The following PHTF1 variants were observed in gnomAD, a reference collection of about 807,000 sequenced individuals.
PHTF1 encodes the protein putative homeodomain transcription factor 1, also known as protein PHTF1.
PHTF1 carries 88 observed loss-of-function variants against 102.4 expected under a neutral mutation model. That is an observed-to-expected ratio of 0.86 (90% CI 0.72 to 1.03). The LOEUF is 1.03. PHTF1 is among the 50% of genes least tolerant of loss of function. The probability of loss-of-function intolerance (pLI) is 0.00; values close to 1 mark genes in which losing one functional copy is unlikely to be tolerated. For synonymous variants in PHTF1, 289 were observed against 305.2 expected (o/e 0.95, Z 0.55); for missense variants, 814 against 909.5 (o/e 0.89, Z 1.35).
In PHTF1 at chr1:113,717,132, T is replaced by A. The variant is rs139604762; in HGVS notation, c.624-3694A>T. Among the ~76,000 whole-genome samples, 687 of 152,304 alleles carry A rather than the reference T, an allele frequency of 4.5e-3. 3 individuals carry two copies. The highest frequency in any genetic ancestry group is 7.1e-3 in the Non-Finnish European group (486 of 68,026). On this transcript the variant is annotated intron_variant, in intron 7 of 18. Coordinates refer to ENST00000369604, the MANE Select transcript of PHTF1 (RefSeq NM_001323043.2). ...TGGTTTATGAGTTTGTTTGCTTGTT[T>A]ATGCAATCAGTGTTACCAGTTTAAA...
chr1:113,718,727 A>G (rs1019895332), intron 7 of PHTF1, among the ~76,000 whole-genome samples: 3 of 152,336 alleles, frequency 2.0e-5, no homozygotes, highest in Middle Eastern at 6.8e-3. Context: ...TGAGCTGTAC[A>G]TTGGCCCCTT....
chr1:113,701,826 T>TAAAAAAAAAAAAAAAAAAAAAAAAAAA lies in PHTF1; in HGVS notation c.1891-904_1891-878dup, dbSNP rs34844793. Among the ~76,000 whole-genome samples, 4 of 28,000 alleles carry TAAAAAAAAAAAAAAAAAAAAAAAAAAA rather than the reference T, an allele frequency of 1.4e-4. 1 individual carries two copies. Among genetic ancestry groups the TAAAAAAAAAAAAAAAAAAAAAAAAAAA allele is most frequent in the Non-Finnish European group, 2.0e-4 (3 of 15,202 alleles). 18.4% of individuals were successfully genotyped at this position (28,000 alleles called of 152,430 possible). On this transcript the variant is annotated intron_variant, in intron 15 of 18. Coordinates refer to ENST00000369604, the MANE Select transcript of PHTF1 (RefSeq NM_001323043.2). The stretch of plus-strand genomic sequence containing the variant: ...TGGCAACCTGGAATTCAATTCCTGG[T>TAAAAAAAAAAAAAAAAAAAAAAAAAAA]AAAAAAAAAAAAAAAAAAAAAAAAA...
intron 7 of PHTF1, among the ~76,000 whole-genome samples, chr1:113,716,409 A>T (rs1218906825): frequency 6.7e-6 from 1 of 148,956 alleles, no homozygotes; most frequent in Non-Finnish European, 1.5e-5. Flanking sequence ...CACTGTCACA[A>T]TTACAGCTCA....
In PHTF1 at chr1:113,759,159, G is replaced by A. The variant is rs533871192; in HGVS notation, c.-167C>T. ...TCCAGGCGGAGACGCCGGAGAGGCC[G>A]TTACCATGGAGACCGCGGAGGCCGC... On this transcript the variant is annotated 5_prime_UTR_variant, in exon 1 of 19. In the 5' UTR this introduces an upstream ATG that the reference lacks. Coordinates refer to ENST00000369604, the MANE Select transcript of PHTF1 (RefSeq NM_001323043.2). 89 of 891,668 alleles carry A rather than the reference G, an allele frequency of 1.0e-4. 1 individual carries two copies. In the South Asian group the frequency reaches 2.6e-3, roughly 26 times the overall value. 55.2% of individuals were successfully genotyped at this position (891,668 alleles called of 1,614,324 possible).
At position 113,700,753 on chromosome 1, in the gene PHTF1, AC is replaced by A. The variant is rs753870459; in HGVS notation, c.2046+40del. On this transcript the variant is annotated intron_variant, in intron 16 of 18. Transcript: ENST00000369604. Reference sequence around the variant, plus strand: ...CAGGAACCTTACAGCGTATTACGCTACCCCTAACCACTAAACCCAATTGACA... The same window carrying A: ...CAGGAACCTTACAGCGTATTACGCTACCCTAACCACTAAACCCAATTGACA... 1.9e-5 allele frequency: 30 copies of A among 1,583,230 alleles called. No individual in the cohort carries two copies. In the South Asian group the frequency reaches 3.0e-4, roughly 16 times the overall value.
At chr1:113,727,241 T>C (rs752875371) in intron 5 of PHTF1, among the ~76,000 whole-genome samples, 1 of 152,124 alleles carries the variant, frequency 6.6e-6, no homozygotes, top group Non-Finnish European at 1.5e-5. Flanking sequence ...CCTAATAAAA[T>C]CCCAATACTC....
intron 7 of PHTF1, among the ~76,000 whole-genome samples, chr1:113,724,407 C>T (rs376762522): frequency 1.3e-5 from 2 of 151,872 alleles, no homozygotes; most frequent in African/African-American, 2.4e-5. Flanking sequence ...GGTGTGGCGG[C>T]GGGCACCTGT....
intron 11 of PHTF1, among the ~76,000 whole-genome samples, chr1:113,708,272 A>C (rs910667035): frequency 1.3e-5 from 2 of 152,206 alleles, no homozygotes; most frequent in African/African-American, 4.8e-5. Flanking sequence ...GTGACCAGAA[A>C]CAGAGAGATG....
intron 16 of PHTF1, 116 bp downstream of exon 16, chr1:113,700,678 C>T (rs1400956695): frequency 3.4e-6 from 3 of 886,388 alleles, no homozygotes; most frequent in Admixed American, 5.7e-5. Context: ...TTGTGAGGTC[C>T]TGTAGCTAGA....
At chr1:113,738,410 T>C in intron 4 of PHTF1, 142 bp from the exon 5 acceptor site, 1 of 610,868 alleles carries the variant, frequency 1.6e-6, no homozygotes, top group Non-Finnish European at 2.8e-6. Context: ...TCTTAGATGT[T>C]TGTTAAATGT....
At chr1:113,736,466 C>T (rs1254421933) in intron 5 of PHTF1, among the ~76,000 whole-genome samples, 1 of 151,984 alleles carries the variant, frequency 6.6e-6, no homozygotes, top group Admixed American at 6.6e-5. Flanking sequence ...TTTAAACAGC[C>T]GGGCACAGTG....
intron 3 of PHTF1, among the ~76,000 whole-genome samples, chr1:113,751,830 C>T (rs887219091): frequency 2.6e-5 from 4 of 152,208 alleles, no homozygotes; most frequent in African/African-American, 9.6e-5. Flanking sequence ...CCATGCCCAA[C>T]AGCAGTGTAG....
chr1:113,698,614 T>C (rs1209741263), intron 17 of PHTF1, among the ~76,000 whole-genome samples: 1 of 86,248 alleles, frequency 1.2e-5, no homozygotes, highest in Admixed American at 1.0e-4. Flanking sequence ...GTTTTATATA[T>C]ATATATACAC....
At chr1:113,751,185 A>G (rs1041973164) in intron 3 of PHTF1, among the ~76,000 whole-genome samples, 9 of 152,162 alleles carry the variant, frequency 5.9e-5, no homozygotes, top group African/African-American at 2.2e-4. Flanking sequence ...CTATATTATG[A>G]TTTTTCCTAC....
intron 11 of PHTF1, among the ~76,000 whole-genome samples, chr1:113,709,628 C>A (rs1201581630): frequency 6.6e-6 from 1 of 152,154 alleles, no homozygotes; most frequent in Non-Finnish European, 1.5e-5. Flanking sequence ...ATAATGCTAA[C>A]ATTTATTGGG....
Position 113,724,763 on chromosome 1 carries a change from T to C in PHTF1, c.619A>G (p.Asn207Asp), listed in dbSNP as rs747112740. The C allele has an allele frequency of 7.5e-6, 12 of 1,594,658 alleles. No homozygotes were observed. The Middle Eastern group carries it at 6.7e-4, about 89-fold the overall frequency. Residue 207 changes from asparagine to aspartate, a missense_variant, in exon 7 of 19, where the codon AAC becomes GAC. Transcript: ENST00000369604. ...IGGFWETIFGNRIKRVKLISN... is the reference protein window; with the variant it reads ...IGGFWETIFGDRIKRVKLISN... ...TCAAGTAAAAAAGACTCCCACCTGT[T>C]GCCAAAGATAGTCTCCCAAAAACCA...
chr1:113,753,052 C>T (rs1658327675), intron 3 of PHTF1, among the ~76,000 whole-genome samples: 1 of 152,140 alleles, frequency 6.6e-6, no homozygotes, highest in Non-Finnish European at 1.5e-5. Context: ...TATGATTGTC[C>T]TTTATCCTAT....
chr1:113,752,462 C>T (rs1448008692), intron 3 of PHTF1, among the ~76,000 whole-genome samples: 2 of 130,470 alleles, frequency 1.5e-5, no homozygotes, highest in Non-Finnish European at 3.1e-5. Context: ...TGCAGTGGCG[C>T]GATCTTGGCT....
intron 2 of PHTF1, 68 bp downstream of exon 2, chr1:113,758,591 A>G (rs536614854): frequency 3.4e-6 from 3 of 894,622 alleles, no homozygotes; most frequent in East Asian, 2.9e-5. Flanking sequence ...AAGTAACATT[A>G]TATTATTTGT....
Sources: allele counts gnomAD v4.1 joint callset (sites outside exome capture counted in the v4.1 genomes callset), GRCh38; gene constraint gnomAD v4.1.1; transcripts MANE v1.5; gene names NCBI Gene and HGNC (gene_info 2026-07-23, HGNC 2026-07-21).